Variants in NRG4 observed in about 807,000 individuals in gnomAD.
NRG4 encodes the protein neuregulin 4, also known as pro-neuregulin-4, membrane-bound isoform.
In NRG4, 10 loss-of-function variants were observed where a neutral mutation model predicts 15.0. The observed-to-expected ratio is 0.67, with a 90% CI of 0.41 to 1.13. The LOEUF is 1.13. Ranked by LOEUF, NRG4 falls within the 50% of genes most tolerant of loss-of-function variation. The pLI is 0.00. For missense variants in NRG4, 139 were observed against 140.2 expected (o/e 0.99, Z 0.04); for synonymous variants, 41 against 50.1 (o/e 0.82, Z 0.77).
At chr15:75,968,585 TAAAAAA>T (rs71140190) in intron 3 of NRG4, among the ~76,000 whole-genome samples, 1 of 99,124 alleles carries the variant, frequency 1.0e-5, no homozygotes, top group Non-Finnish European at 2.0e-5. Context: ...AAACTCCATC[TAAAAAA>T]AAAAAAAAAA....
intron 3 of NRG4, among the ~76,000 whole-genome samples, chr15:76,004,659 G>T (rs540655003): frequency 6.7e-6 from 1 of 150,150 alleles, no homozygotes; most frequent in African/African-American, 2.4e-5. Context: ...ACAAAAGACA[G>T]TAAAATAGAA....
chr15:76,051,572 T>A (rs1458975785), intron 4 of NRG4, among the ~76,000 whole-genome samples: 1 of 149,294 alleles, frequency 6.7e-6, no homozygotes, highest in Non-Finnish European at 1.5e-5. Context: ...CTTCTTTTTT[T>A]TTTTTTTTTG....
Position 76,025,992 on chromosome 15 carries a change from C to A in NRG4, c.-57+9952G>T, listed in dbSNP as rs143773257. On this transcript the variant is annotated intron_variant, in intron 5 of 8. Transcript: ENST00000563910. ...TTGAAGTAACACAGGCAGCCCCCGACTACACACCCAAAAAAAGGCCTCCAA... is the reference window on the plus strand; with the variant it reads ...TTGAAGTAACACAGGCAGCCCCCGAATACACACCCAAAAAAAGGCCTCCAA... Among the ~76,000 whole-genome samples the A allele has an allele frequency of 3.0e-3, 456 of 151,678 alleles. 3 individuals are homozygous for A. The highest frequency in any genetic ancestry group is 4.0e-3 in the Non-Finnish European group (275 of 67,960).
chr15:75,956,116 C>A, intron 4 of NRG4, 105 bp from the exon 5 acceptor site: 1 of 658,942 alleles, frequency 1.5e-6, no homozygotes, highest in South Asian at 1.7e-5. Flanking sequence ...CTTCTTCCCC[C>A]TTTTTACAAC....
intron 3 of NRG4, among the ~76,000 whole-genome samples, chr15:75,967,392 T>G (rs567930901): frequency 2.0e-5 from 3 of 152,074 alleles, no homozygotes; most frequent in African/African-American, 7.2e-5. Flanking sequence ...CATTAAAAAC[T>G]GATCATTATT....
chr15:76,026,098 T>C (rs2035309916), intron 5 of NRG4, among the ~76,000 whole-genome samples: 1 of 152,184 alleles, frequency 6.6e-6, no homozygotes, highest in African/African-American at 2.4e-5. Context: ...AAAAAGCTAG[T>C]ATTTCATTAA....
At chr15:75,993,392 TAAAAAAAA>T (rs60453624) in intron 3 of NRG4, among the ~76,000 whole-genome samples, 15 of 72,178 alleles carry the variant, frequency 2.1e-4, no homozygotes, top group Non-Finnish European at 1.7e-4. Context: ...GAGGATTCTG[TAAAAAAAA>T]AAAAAAAAAA....
At chr15:75,948,898 A>G (rs879463589) in intron 5 of NRG4, among the ~76,000 whole-genome samples, 4 of 152,058 alleles carry the variant, frequency 2.6e-5, no homozygotes, top group African/African-American at 9.7e-5. Flanking sequence ...AAAAAATGTA[A>G]AAATTAGCCA....
At chr15:75,943,744 C>G in intron 5 of NRG4, 90 bp from the exon 6 acceptor site, 1 of 819,298 alleles carries the variant, frequency 1.2e-6, no homozygotes. Context: ...ATCTTCTTCA[C>G]ATATATAAGC....
At chr15:75,955,067 G>C (rs547234797) in intron 5 of NRG4, among the ~76,000 whole-genome samples, 15 of 152,124 alleles carry the variant, frequency 9.9e-5, no homozygotes, top group African/African-American at 3.6e-4. Flanking sequence ...TGTGAATACT[G>C]GGCACCTCTA....
At chr15:75,986,162 C>T (rs1456582090) in intron 3 of NRG4, among the ~76,000 whole-genome samples, 2 of 152,098 alleles carry the variant, frequency 1.3e-5, no homozygotes, top group Non-Finnish European at 2.9e-5. Flanking sequence ...AATCAGATAA[C>T]GTTTTCATCT....
At chr15:75,970,548 T>C (rs892760311) in intron 3 of NRG4, among the ~76,000 whole-genome samples, 2 of 152,238 alleles carry the variant, frequency 1.3e-5, no homozygotes, top group African/African-American at 4.8e-5. Context: ...GGGCAGTTAC[T>C]GGTTGGGAAT....
rs952841107 is a variant in NRG4, at chr15:75,961,809, A to G, written c.251+19T>C. 42 of 1,584,198 alleles carry G rather than the reference A, an allele frequency of 2.7e-5. No homozygotes were observed. The highest frequency in any genetic ancestry group is 3.4e-5 in the Non-Finnish European group (40 of 1,159,906). On this transcript the variant is annotated intron_variant, in intron 4 of 5. Coordinates refer to ENST00000394907, the MANE Select transcript of NRG4 (RefSeq NM_138573.4). ...TTTATGTATTACTTTTCTCAAAAGC[A>G]TGTTTCTATTTTACTTACCTGCAAA...
At chr15:75,945,251 T>A (rs1352029401) in intron 5 of NRG4, among the ~76,000 whole-genome samples, 2 of 132,670 alleles carry the variant, frequency 1.5e-5, no homozygotes, top group Non-Finnish European at 3.1e-5. Context: ...ATATATATAT[T>A]TTTTATCATT....
chr15:75,935,498 G>C (rs1388786046), downstream of NRG4: 1 of 151,868 alleles, frequency 6.6e-6, no homozygotes, highest in African/African-American at 2.4e-5. Context: ...TTTGTATAAG[G>C]CTTAAGCAAG....
At chr15:75,967,760 C>T (rs1435701196) in intron 3 of NRG4, among the ~76,000 whole-genome samples, 1 of 152,070 alleles carries the variant, frequency 6.6e-6, no homozygotes, top group South Asian at 2.1e-4. Context: ...ACGTGCCTGG[C>T]CGCAAAATCT....
chr15:76,046,545 C>T (rs981090386), intron 4 of NRG4, among the ~76,000 whole-genome samples: 1 of 151,162 alleles, frequency 6.6e-6, no homozygotes, highest in Non-Finnish European at 1.5e-5. Context: ...AGATGTAAAT[C>T]CACACATTTA....
Position 75,954,586 on chromosome 15 carries a change from G to T in NRG4, c.331+1346C>A, listed in dbSNP as rs112268546. 2.0e-3 allele frequency among the ~76,000 whole-genome samples: 287 copies of T among 142,736 alleles called. 1 individual carries two copies. Among genetic ancestry groups the T allele is most frequent in the African/African-American group, 7.0e-3 (275 of 39,254 alleles). The allele number at this position is 142,736 out of a possible 152,430, so 93.6% of individuals were successfully genotyped here. A position where few individuals can be genotyped will look rare whatever the true frequency, so the allele number is the denominator to read the frequency against. ...CTGGGATTACAGGCACCCACCATTGGTTTTTTTTTTTGTATTTTAGTAGAG... is the reference window on the plus strand; with the variant it reads ...CTGGGATTACAGGCACCCACCATTGTTTTTTTTTTTTGTATTTTAGTAGAG... On this transcript the variant is annotated intron_variant, in intron 5 of 5. Transcript: ENST00000394907.
upstream of NRG4, among the ~76,000 whole-genome samples, chr15:76,016,587 G>A (rs1027639564): frequency 2.0e-4 from 30 of 152,036 alleles, no homozygotes; most frequent in African/African-American, 5.3e-4. Context: ...CCTTAATTTC[G>A]TTATTTACCC....
Sources: gnomAD v4.1 joint callset for allele counts (sites outside exome capture counted in the v4.1 genomes callset) on GRCh38, gnomAD v4.1.1 for gene constraint, MANE v1.5 for transcripts, NCBI Gene and HGNC (gene_info 2026-07-23, HGNC 2026-07-21) for gene names.